Variants in SLC17A5 observed in about 807,000 individuals in gnomAD.
SLC17A5 encodes the protein sialin.
Under a neutral mutation model 59.4 loss-of-function variants are expected in SLC17A5, and 47 were observed. The observed-to-expected ratio is 0.79, with a 90% CI of 0.63 to 1.01. SLC17A5 has a LOEUF of 1.01. SLC17A5 is among the 50% of genes least tolerant of loss of function. The pLI is 0.00. For missense variants in SLC17A5, 522 were observed against 595.5 expected (o/e 0.88, Z 1.28); for synonymous variants, 202 against 210.7 (o/e 0.96, Z 0.36).
At chr6:73,601,076 G>A (rs371383698) in intron 9 of SLC17A5, among the ~76,000 whole-genome samples, 88 of 149,772 alleles carry the variant, frequency 5.9e-4, no homozygotes, top group Admixed American at 9.3e-4. Flanking sequence ...CTGCCCGGCC[G>A]CCATCCCATC....
intron 6 of SLC17A5, among the ~76,000 whole-genome samples, chr6:73,631,804 A>C (rs1217682843): frequency 6.6e-6 from 1 of 151,706 alleles, no homozygotes; most frequent in African/African-American, 2.4e-5. Context: ...CTTGGGCCCC[A>C]CAGGAACCAT....
chr6:73,621,225 A>G (rs1768136189), intron 7 of SLC17A5, among the ~76,000 whole-genome samples: 1 of 151,468 alleles, frequency 6.6e-6, no homozygotes, highest in African/African-American at 2.4e-5. Context: ...GGCTGGTCTC[A>G]AACTCCTGAC....
In SLC17A5 at chr6:73,636,713, A is replaced by G. The variant is rs748533477; in HGVS notation, c.614-6T>C. ...TACTGTCCCAAGCTGTGCTCCTAGA[A>G]CAACACATAAGACTATTTTATAAAC... On this transcript the variant is annotated splice_region_variant and splice_polypyrimidine_tract_variant and intron_variant, in intron 4 of 10. Transcript: ENST00000355773. The G allele has an allele frequency of 5.7e-6, 9 of 1,587,772 alleles. No homozygotes were observed. Among genetic ancestry groups the G allele is most frequent in the African/African-American group, 4.0e-5 (3 of 74,398 alleles).
intron 1 of SLC17A5, among the ~76,000 whole-genome samples, chr6:73,650,247 C>T (rs1227226247): frequency 6.7e-6 from 1 of 150,172 alleles, no homozygotes; most frequent in Non-Finnish European, 1.5e-5. Flanking sequence ...CGGTGGCTCA[C>T]GCCTGTAATC....
Position 73,621,391 on chromosome 6 carries a change from G to A in SLC17A5, c.978+413C>T, listed in dbSNP as rs1047849093. Among the ~76,000 whole-genome samples the A allele has an allele frequency of 3.3e-5, 5 of 152,062 alleles. No individual in the cohort carries two copies. In the South Asian group the frequency reaches 6.2e-4, roughly 19 times the overall value. Reference sequence around the variant, plus strand: ...TGGCCTCAAGTAATCCACCTGCCTCGACCTCCCAAAGTGGTAGGATTGCAG... The same window carrying A: ...TGGCCTCAAGTAATCCACCTGCCTCAACCTCCCAAAGTGGTAGGATTGCAG... On this transcript the variant is annotated intron_variant, in intron 7 of 10. Transcript: ENST00000355773.
chr6:73,615,283 A>G, intron 8 of SLC17A5, 32 bp downstream of exon 8: 1 of 1,612,724 alleles, frequency 6.2e-7, no homozygotes, highest in Non-Finnish European at 8.5e-7. Flanking sequence ...AAATAACTGT[A>G]AACCAAAACA....
intron 9 of SLC17A5, among the ~76,000 whole-genome samples, chr6:73,606,086 A>G (rs1471697898): frequency 1.3e-5 from 2 of 152,084 alleles, no homozygotes; most frequent in Non-Finnish European, 2.9e-5. Flanking sequence ...TCTGCAGCCC[A>G]GGCTGGAGTG....
At chr6:73,627,990 G>A (rs561686626) in intron 6 of SLC17A5, among the ~76,000 whole-genome samples, 5 of 150,830 alleles carry the variant, frequency 3.3e-5, no homozygotes, top group South Asian at 2.1e-4. Context: ...GCGCGATCAC[G>A]GCTACTGCAA....
At chr6:73,603,043 CATAA>C (rs1410538498) in intron 9 of SLC17A5, among the ~76,000 whole-genome samples, 3 of 152,124 alleles carry the variant, frequency 2.0e-5, no homozygotes, top group African/African-American at 7.2e-5. Flanking sequence ...TTAACATTTT[CATAA>C]ATATCCTATT....
intron 6 of SLC17A5, among the ~76,000 whole-genome samples, chr6:73,629,494 C>T (rs1309957417): frequency 2.6e-5 from 4 of 151,746 alleles, no homozygotes; most frequent in Non-Finnish European, 5.9e-5. Context: ...AAGAAGAAGC[C>T]GGGTGTGGTG....
chr6:73,616,580 C>CACACACACACA lies in SLC17A5; in HGVS notation c.979-1134_979-1133insTGTGTGTGTGT, dbSNP rs60454712. 9.1e-3 allele frequency among the ~76,000 whole-genome samples: 914 copies of CACACACACACA among 100,138 alleles called. 9 individuals are homozygous for CACACACACACA. Among genetic ancestry groups the CACACACACACA allele is most frequent in the African/African-American group, 0.025 (684 of 27,496 alleles). The allele number at this position is 100,138 out of a possible 152,430, so 65.7% of individuals were successfully genotyped here. On this transcript the variant is annotated intron_variant, in intron 7 of 10. Transcript: ENST00000355773. ...ACACACACACACACACACACACACA[C>CACACACACACA]GTTTATTTTTAACAGAACTGGAGAG...
rs1359538351 is a variant in SLC17A5, at chr6:73,595,126, C to T, written c.1439G>A (p.Gly480Asp). The change falls in exon 11 of 11, where the codon GGT (glycine) becomes GAT (aspartate). Residue 480 changes from glycine to aspartate, a missense_variant. By Grantham distance (94) the Gly-to-Asp change is moderately conservative (BLOSUM62 -1). Coordinates refer to ENST00000355773, the MANE Select transcript of SLC17A5 (RefSeq NM_012434.5). The part of the protein sequence containing the change: ...GAIFFTLFAK[G>D]EVQNWALNDH... ...ATTGAGAGCCCAGTTTTGTACTTCA[C>T]CTTTGGCGAATAGTGTAAAGAAAAT... 2 of 1,613,978 alleles carry T rather than the reference C, an allele frequency of 1.2e-6. No individual in the cohort carries two copies. The highest frequency in any genetic ancestry group is 1.3e-5 in the African/African-American group (1 of 74,894).
At chr6:73,600,236 A>G (rs959444920) in intron 10 of SLC17A5, 115 bp downstream of exon 10, 2 of 854,876 alleles carry the variant, frequency 2.3e-6, no homozygotes, top group Non-Finnish European at 3.8e-6. Flanking sequence ...TTTTGTTGCT[A>G]AAAAGAATTT....
At chr6:73,638,348 CT>C in intron 4 of SLC17A5, 63 bp downstream of exon 4, 3 of 1,227,720 alleles carry the variant, frequency 2.4e-6, no homozygotes, top group Non-Finnish European at 3.6e-6. Flanking sequence ...TATGCAGGCC[CT>C]TTTTCCCAAA....
chr6:73,630,031 C>T (rs1341419054), intron 6 of SLC17A5, among the ~76,000 whole-genome samples: 1 of 150,062 alleles, frequency 6.7e-6, no homozygotes, highest in Non-Finnish European at 1.5e-5. Context: ...CTTGCTCTGT[C>T]GCCCAGGCTG....
At chr6:73,635,227 C>T in intron 6 of SLC17A5, 155 bp downstream of exon 6, 1 of 556,354 alleles carries the variant, frequency 1.8e-6, no homozygotes, top group South Asian at 2.2e-5. Context: ...AGCCACTGCA[C>T]CCAGCCAGAC....
At chr6:73,653,475 C>T (rs1489417432) in intron 1 of SLC17A5, 1 of 985,278 alleles carries the variant, frequency 1.0e-6, no homozygotes, top group African/African-American at 1.7e-5. Flanking sequence ...TAACCACCAG[C>T]TCAGCGCCGG....
At chr6:73,646,982 G>A (rs1002030578) in intron 1 of SLC17A5, among the ~76,000 whole-genome samples, 10 of 152,036 alleles carry the variant, frequency 6.6e-5, no homozygotes, top group South Asian at 4.1e-4. Flanking sequence ...AGCAGAACAT[G>A]TTTTCTTTAT....
chr6:73,634,312 C>T (rs543642416), intron 6 of SLC17A5, among the ~76,000 whole-genome samples: 1 of 152,230 alleles, frequency 6.6e-6, no homozygotes, highest in South Asian at 2.1e-4. Flanking sequence ...GTCCAATATC[C>T]CTTGTCTGAA....
Sources: gnomAD v4.1 joint callset for allele counts (sites outside exome capture counted in the v4.1 genomes callset) on GRCh38, gnomAD v4.1.1 for gene constraint, MANE v1.5 for transcripts, NCBI Gene and HGNC (gene_info 2026-07-23, HGNC 2026-07-21) for gene names.